Variants in PLA2G4A observed in about 807,000 individuals in gnomAD.
The protein encoded by PLA2G4A is phospholipase A2 group IVA, also known as cytosolic phospholipase A2.
PLA2G4A carries 40 observed loss-of-function variants against 81.9 expected under a neutral mutation model. The ratio of observed to expected loss-of-function variants is 0.49; its 90% CI spans 0.38 to 0.64. The LOEUF is 0.64. Among genes scored for constraint, PLA2G4A ranks in the 30% least tolerant of loss-of-function variants. The pLI is 0.00. For synonymous variants in PLA2G4A, 302 were observed against 296.9 expected (o/e 1.02, Z -0.18); for missense variants, 715 against 905.1 (o/e 0.79, Z 2.69).
intron 1 of PLA2G4A, among the ~76,000 whole-genome samples, chr1:186,842,395 C>A (rs1652016813): frequency 6.6e-6 from 1 of 152,116 alleles, no homozygotes; most frequent in Non-Finnish European, 1.5e-5. Context: ...TTTCTCCCTC[C>A]CTCCTACAGC....
chr1:186,979,051 C>A (rs1252863906), intron 16 of PLA2G4A, among the ~76,000 whole-genome samples: 1 of 152,206 alleles, frequency 6.6e-6, no homozygotes, highest in Non-Finnish European at 1.5e-5. Context: ...ACAGAATTTC[C>A]AGCCTGCTGT....
chr1:186,894,917 G>A (rs1420665610), intron 5 of PLA2G4A, among the ~76,000 whole-genome samples: 1 of 152,190 alleles, frequency 6.6e-6, no homozygotes, highest in Non-Finnish European at 1.5e-5. Flanking sequence ...GGGCCTGTAT[G>A]TGTAAGGCTG....
At chr1:186,971,774 A>G (rs951908341) in intron 15 of PLA2G4A, among the ~76,000 whole-genome samples, 2 of 152,036 alleles carry the variant, frequency 1.3e-5, no homozygotes, top group Non-Finnish European at 2.9e-5. Flanking sequence ...TGTTTTATAT[A>G]TAACATAATA....
At chr1:186,842,052 T>C (rs1267507982) in intron 1 of PLA2G4A, among the ~76,000 whole-genome samples, 3 of 150,724 alleles carry the variant, frequency 2.0e-5, no homozygotes, top group Admixed American at 6.6e-5. Flanking sequence ...TCTTTTTTTT[T>C]TTTTTTTTGA....
At chr1:186,979,600 T>C in intron 17 of PLA2G4A, 128 bp downstream of exon 17, 2 of 673,082 alleles carry the variant, frequency 3.0e-6, no homozygotes, top group Non-Finnish European at 5.3e-6. Context: ...ATATGCCACT[T>C]TACTTTTCAT....
chr1:186,909,155 T>C (rs1030886888), intron 6 of PLA2G4A, among the ~76,000 whole-genome samples: 156 of 150,002 alleles, frequency 1.0e-3, no homozygotes, highest in Non-Finnish European at 9.2e-4. Flanking sequence ...TTTCTATTTT[T>C]AGTAGAGACG....
At chr1:186,965,668 G>T in intron 15 of PLA2G4A, 75 bp downstream of exon 15, 1 of 1,018,568 alleles carries the variant, frequency 9.8e-7, no homozygotes, top group South Asian at 1.3e-5. Flanking sequence ...TAGTCCCTTT[G>T]ACTCCAGTTT....
intron 2 of PLA2G4A, among the ~76,000 whole-genome samples, chr1:186,870,079 G>A (rs998878772): frequency 1.3e-5 from 2 of 152,164 alleles, no homozygotes; most frequent in African/African-American, 4.8e-5. Context: ...AATCTAGAAT[G>A]TCTTGCTCTG....
intron 3 of PLA2G4A, among the ~76,000 whole-genome samples, chr1:186,887,173 C>G (rs1326192391): frequency 9.2e-5 from 14 of 151,888 alleles, no homozygotes; most frequent in Non-Finnish European, 4.4e-5. Flanking sequence ...GGAGGACTTT[C>G]CCCTTTGGGA....
At chr1:186,863,188 G>A (rs1652879177) in intron 2 of PLA2G4A, among the ~76,000 whole-genome samples, 1 of 152,142 alleles carries the variant, frequency 6.6e-6, no homozygotes, top group African/African-American at 2.4e-5. Flanking sequence ...TTCTGTCTGA[G>A]CCTCTCAGGT....
intron 1 of PLA2G4A, among the ~76,000 whole-genome samples, chr1:186,845,004 G>A (rs1652121333): frequency 6.6e-6 from 1 of 152,178 alleles, no homozygotes; most frequent in Non-Finnish European, 1.5e-5. Context: ...GAGGTCAGGA[G>A]TTTGAGATCA....
chr1:186,897,718 A>C (rs1359050255), intron 5 of PLA2G4A, among the ~76,000 whole-genome samples: 1 of 152,128 alleles, frequency 6.6e-6, no homozygotes, highest in Non-Finnish European at 1.5e-5. Context: ...CATGTTGGCC[A>C]GGCTGGTCTC....
At chr1:186,911,905 A>G (rs2102156159) in intron 7 of PLA2G4A, among the ~76,000 whole-genome samples, 1 of 152,300 alleles carries the variant, frequency 6.6e-6, no homozygotes, top group East Asian at 1.9e-4. Flanking sequence ...AGTAACTCCC[A>G]GTCAGAGGCT....
intron 7 of PLA2G4A, among the ~76,000 whole-genome samples, chr1:186,924,644 C>T (rs890588407): frequency 1.4e-4 from 22 of 152,040 alleles, no homozygotes; most frequent in Non-Finnish European, 2.9e-4. Context: ...ACCATCTTGG[C>T]TCATGGCAGC....
chr1:186,860,458 T>C (rs1652757782), intron 2 of PLA2G4A, among the ~76,000 whole-genome samples: 1 of 152,116 alleles, frequency 6.6e-6, no homozygotes, highest in Non-Finnish European at 1.5e-5. Context: ...GGGGGTGAAT[T>C]CTTCCTTCTT....
At chr1:186,941,342 A>G (rs1347950229) in intron 10 of PLA2G4A, among the ~76,000 whole-genome samples, 1 of 152,118 alleles carries the variant, frequency 6.6e-6, no homozygotes, top group Non-Finnish European at 1.5e-5. Flanking sequence ...TTTTCTCTCA[A>G]CTGCCTCTCA....
At chr1:186,905,790 T>A (rs1441761894) in intron 5 of PLA2G4A, among the ~76,000 whole-genome samples, 1 of 152,124 alleles carries the variant, frequency 6.6e-6, no homozygotes, top group Non-Finnish European at 1.5e-5. Flanking sequence ...GGACTAGTAA[T>A]AGGAACCTAT....
At chr1:186,894,874 A>C (rs901578798) in intron 5 of PLA2G4A, among the ~76,000 whole-genome samples, 1 of 152,228 alleles carries the variant, frequency 6.6e-6, no homozygotes, top group African/African-American at 2.4e-5. Flanking sequence ...AAACTAATTT[A>C]GTAGTTTGTA....
intron 15 of PLA2G4A, among the ~76,000 whole-genome samples, 198 bp downstream of exon 15, chr1:186,965,791 A>G (rs375906650): frequency 9.9e-5 from 15 of 152,180 alleles, no homozygotes; most frequent in Non-Finnish European, 1.9e-4. Context: ...AATGAGCTCA[A>G]TAAAGGTCAG....
Sources: allele counts gnomAD v4.1 joint callset (sites outside exome capture counted in the v4.1 genomes callset), GRCh38; gene constraint gnomAD v4.1.1; transcripts MANE v1.5; gene names NCBI Gene and HGNC (gene_info 2026-07-23, HGNC 2026-07-21).